The following MTUS2 variants were observed in gnomAD, a reference collection of about 807,000 sequenced individuals.
MTUS2 encodes microtubule-associated tumor suppressor candidate 2.
Under a neutral mutation model 114.1 loss-of-function variants are expected in MTUS2, and 40 were observed. That is an observed-to-expected ratio of 0.35 (90% CI 0.27 to 0.46). MTUS2 has a LOEUF of 0.46. MTUS2 is among the 20% of genes least tolerant of loss of function. The pLI is 1.00. For synonymous variants in MTUS2, 688 were observed against 672.0 expected, an observed-to-expected ratio of 1.02 and a Z score of -0.37; for missense variants, 1,679 against 1,705.4, an observed-to-expected ratio of 0.98 and a Z score of 0.27.
chr13:29,051,191 G>T (rs1887879527), intron 4 of MTUS2, among the ~76,000 whole-genome samples: 1 of 152,162 alleles, frequency 6.6e-6, no homozygotes, highest in Non-Finnish European at 1.5e-5. Flanking sequence ...GAAGGAGAAA[G>T]GGGTGAAATT....
intron 5 of MTUS2, among the ~76,000 whole-genome samples, chr13:29,173,914 T>A (rs1389220259): frequency 1.3e-5 from 2 of 152,288 alleles, no homozygotes; most frequent in East Asian, 3.9e-4. Flanking sequence ...AATTGAGATT[T>A]TAAAATCTCT....
chr13:29,419,743 T>C (rs1593423568), intron 8 of MTUS2, among the ~76,000 whole-genome samples: 1 of 152,346 alleles, frequency 6.6e-6, no homozygotes, highest in Middle Eastern at 3.4e-3. Flanking sequence ...AAGGGTCTTC[T>C]TCAGGACACA....
chr13:29,024,670 T>G lies in MTUS2; in HGVS notation c.-29T>G. The G allele has an allele frequency of 6.2e-7, 1 of 1,607,480 alleles. No homozygotes were observed. The highest frequency in any genetic ancestry group is 8.5e-7 in the Non-Finnish European group (1 of 1,176,958). The stretch of plus-strand genomic sequence containing the variant: ...CCCATTTCCATTAAGTAGGACTGCA[T>G]GGCAAGCAGCCCCACCAAAGGGTTG... On this transcript the variant is annotated 5_prime_UTR_variant, in exon 3 of 16. It removes an upstream start codon present in the reference 5' UTR. Coordinates refer to ENST00000612955, the MANE Select transcript of MTUS2 (RefSeq NM_001033602.4).
intron 8 of MTUS2, among the ~76,000 whole-genome samples, chr13:29,408,582 T>G (rs1874968522): frequency 6.6e-6 from 1 of 152,186 alleles, no homozygotes; most frequent in Non-Finnish European, 1.5e-5. Context: ...CCATCCAAAG[T>G]GCTGGAATTA....
At chr13:28,826,359 C>T (rs1258611386) in intron 1 of MTUS2, among the ~76,000 whole-genome samples, 1 of 152,164 alleles carries the variant, frequency 6.6e-6, no homozygotes, top group East Asian at 1.9e-4. Flanking sequence ...GAAGACGAGA[C>T]TGTTTATCTG....
chr13:29,469,052 A>G (rs1880083302), intron 9 of MTUS2, among the ~76,000 whole-genome samples: 1 of 152,186 alleles, frequency 6.6e-6, no homozygotes, highest in Non-Finnish European at 1.5e-5. Flanking sequence ...GGATGCTAGG[A>G]CAGAAAGGGG....
rs1428405734 is a variant in MTUS2 at position 29,338,747 on chromosome 13, A to AT, written c.2905+14043dup. On this transcript the variant is annotated intron_variant, in intron 7 of 15. Coordinates refer to ENST00000612955, the MANE Select transcript of MTUS2 (RefSeq NM_001033602.4). ...TAAGGATTTGCAACTGATTTCTATA[A>AT]TTTTTTTAATAAAGACACTATTATT... 3.2e-4 allele frequency among the ~76,000 whole-genome samples: 49 copies of AT among 152,144 alleles called. 1 individual carries two copies. Among genetic ancestry groups the AT allele is most frequent in the Non-Finnish European group, 2.9e-5 (2 of 68,014 alleles).
chr13:29,194,891 T>A (rs1232570362), intron 5 of MTUS2, among the ~76,000 whole-genome samples: 4 of 149,752 alleles, frequency 2.7e-5, no homozygotes, highest in Non-Finnish European at 4.5e-5. Flanking sequence ...GTGGCACATA[T>A]ACACCATGGA....
intron 2 of MTUS2, among the ~76,000 whole-genome samples, chr13:28,988,337 C>A (rs1291303526): frequency 6.6e-6 from 1 of 152,170 alleles, no homozygotes; most frequent in Admixed American, 6.5e-5. Flanking sequence ...ATATATGCAC[C>A]TACCTGGCTA....
chr13:29,144,083 A>G (rs1298146606), intron 5 of MTUS2, among the ~76,000 whole-genome samples: 1 of 152,222 alleles, frequency 6.6e-6, no homozygotes, highest in Non-Finnish European at 1.5e-5. Flanking sequence ...ACAAAAGTAA[A>G]TGAAGACGCA....
At chr13:28,885,985 G>A (rs960661036) in intron 2 of MTUS2, among the ~76,000 whole-genome samples, 2 of 152,180 alleles carry the variant, frequency 1.3e-5, no homozygotes, top group Non-Finnish European at 2.9e-5. Context: ...AGGCAGTGAG[G>A]CTTGTGGAGC....
At chr13:28,933,412 C>T (rs1189060648) in intron 2 of MTUS2, among the ~76,000 whole-genome samples, 1 of 152,192 alleles carries the variant, frequency 6.6e-6, no homozygotes, top group Non-Finnish European at 1.5e-5. Context: ...AGGCCTTCCA[C>T]TGATCGGATA....
At chr13:29,044,563 T>C (rs573676310) in intron 4 of MTUS2, among the ~76,000 whole-genome samples, 2 of 152,340 alleles carry the variant, frequency 1.3e-5, no homozygotes, top group African/African-American at 2.4e-5. Context: ...ATTACACATA[T>C]ATTAGGCCTC....
At chr13:28,941,679 A>G (rs547156014) in intron 2 of MTUS2, among the ~76,000 whole-genome samples, 1 of 152,146 alleles carries the variant, frequency 6.6e-6, no homozygotes, top group Non-Finnish European at 1.5e-5. Flanking sequence ...TTAGAAAAGG[A>G]GGACTATTTT....
At chr13:28,945,476 C>T (rs1882477948) in intron 2 of MTUS2, among the ~76,000 whole-genome samples, 2 of 152,172 alleles carry the variant, frequency 1.3e-5, no homozygotes, top group South Asian at 4.1e-4. Flanking sequence ...CCTTTCTCCA[C>T]ATCCTTGCCA....
chr13:29,123,701 C>T (rs1489353148), intron 5 of MTUS2, among the ~76,000 whole-genome samples: 1 of 151,974 alleles, frequency 6.6e-6, no homozygotes, highest in Admixed American at 6.6e-5. Flanking sequence ...GAGTGAGAGT[C>T]GTCTCAAAAC....
intron 5 of MTUS2, among the ~76,000 whole-genome samples, chr13:29,173,289 T>G (rs1893637237): frequency 6.6e-6 from 1 of 152,180 alleles, no homozygotes; most frequent in African/African-American, 2.4e-5. Flanking sequence ...AGTCCCAGGT[T>G]ATGTAAGTCA....
At chr13:29,283,483 G>A (rs1898356704) in intron 6 of MTUS2, among the ~76,000 whole-genome samples, 1 of 152,162 alleles carries the variant, frequency 6.6e-6, no homozygotes, top group Non-Finnish European at 1.5e-5. Context: ...TAACAGTTTG[G>A]CCTTGGTTTA....
chr13:29,373,695 C>A (rs1309527529), intron 8 of MTUS2, among the ~76,000 whole-genome samples: 1 of 152,212 alleles, frequency 6.6e-6, no homozygotes, highest in Non-Finnish European at 1.5e-5. Context: ...GCACAACTTA[C>A]AGAAGGCTGG....
Sources: gnomAD v4.1 joint callset for allele counts (sites outside exome capture counted in the v4.1 genomes callset) on GRCh38, gnomAD v4.1.1 for gene constraint, MANE v1.5 for transcripts, NCBI Gene and HGNC (gene_info 2026-07-23, HGNC 2026-07-21) for gene names.